Variants in TBC1D8B observed in about 807,000 individuals in gnomAD.
The protein encoded by TBC1D8B is RP11-321G1.1.
Under a neutral mutation model 82.9 loss-of-function variants are expected in TBC1D8B, and 75 were observed. The ratio of observed to expected loss-of-function variants is 0.90; its 90% CI spans 0.75 to 1.10. The LOEUF (loss-of-function observed/expected upper bound fraction) is 1.10. Ranked by LOEUF, TBC1D8B falls within the 50% of genes least tolerant of loss-of-function variation. The probability of loss-of-function intolerance (pLI) is 0.00; values close to 1 mark genes in which losing one functional copy is unlikely to be tolerated. For missense variants in TBC1D8B, 794 were observed against 796.9 expected (o/e 1.00, Z 0.04); for synonymous variants, 276 against 276.8 (o/e 1.00, Z 0.03).
intron 1 of TBC1D8B, chrX:106,815,560 G>C (rs1276242953): frequency 3.6e-5 from 4 of 110,753 alleles, no homozygotes; most frequent in Non-Finnish European, 7.6e-5. Flanking sequence ...GAACTTTAAA[G>C]TAGTTTTTTC....
intron 20 of TBC1D8B, among the ~76,000 whole-genome samples, chrX:106,872,490 G>GATATATATATATATATATATAT: frequency 1.1e-5 from 1 of 87,555 alleles, no homozygotes; most frequent in African/African-American, 5.0e-5. Flanking sequence ...TATATATATG[G>GATATATATATATATATATATAT]AATTCAGGAT....
chrX:106,813,876 C>T (rs1237531396), intron 1 of TBC1D8B: 1 of 109,929 alleles, frequency 9.1e-6, no homozygotes, highest in Non-Finnish European at 1.9e-5. Context: ...TATTATTACA[C>T]TTTAAGTTTT....
chrX:106,821,706 A>G (rs759562167), intron 3 of TBC1D8B, among the ~76,000 whole-genome samples: 1 of 111,977 alleles, frequency 8.9e-6, no homozygotes, highest in South Asian at 3.7e-4. Flanking sequence ...TCTCTAGACT[A>G]TTCATTCCTA....
intron 14 of TBC1D8B, among the ~76,000 whole-genome samples, chrX:106,856,151 CTTAA>C (rs777489177): frequency 8.9e-6 from 1 of 112,251 alleles, no homozygotes; most frequent in South Asian, 3.6e-4. Context: ...AATTTCTTCT[CTTAA>C]TTGCCTATTC....
intron 14 of TBC1D8B, among the ~76,000 whole-genome samples, chrX:106,859,303 A>C (rs1324686109): frequency 8.9e-6 from 1 of 111,821 alleles, no homozygotes; most frequent in Non-Finnish European, 1.9e-5. Context: ...TTTGGTTGGT[A>C]TGGCCTTTTT....
intron 12 of TBC1D8B, among the ~76,000 whole-genome samples, chrX:106,851,077 A>C (rs895145199): frequency 8.9e-6 from 1 of 111,762 alleles, no homozygotes; most frequent in African/African-American, 3.3e-5. Flanking sequence ...ATGCCCTCCT[A>C]ATGCTCAACC....
intron 7 of TBC1D8B, among the ~76,000 whole-genome samples, chrX:106,836,789 T>G (rs1932186702): frequency 9.0e-6 from 1 of 111,669 alleles, no homozygotes; most frequent in Admixed American, 9.5e-5. Context: ...TTTCAAAACT[T>G]ATTATACAGC....
intron 1 of TBC1D8B, among the ~76,000 whole-genome samples, chrX:106,810,678 G>C (rs767496841): frequency 8.9e-6 from 1 of 112,000 alleles, no homozygotes; most frequent in South Asian, 3.8e-4. Context: ...TCCACTAGAA[G>C]TGTTTCAACT....
chrX:106,868,616 TG>T, intron 18 of TBC1D8B, 140 bp downstream of exon 18: 1 of 333,011 alleles, frequency 3.0e-6, no homozygotes, highest in Non-Finnish European at 5.0e-6. Flanking sequence ...GCACTTAGCA[TG>T]GTCCATAAAT....
rs1039173957 is a variant in TBC1D8B, at chrX:106,869,636, G to A, written c.2869+95G>A. 6 of 580,468 alleles carry A rather than the reference G, an allele frequency of 1.0e-5. No individual in the cohort carries two copies. The South Asian group carries it at 2.7e-4, about 26-fold the overall frequency. The allele number at this position is 580,468 out of a possible 1,213,427, so 47.8% of individuals were successfully genotyped here. Reference sequence around the variant, plus strand: ...GGGGAAAAGGTGGATTCCTTTTAAAGGCTATTGATGTCTCAGAAATTATAG... The same window carrying A: ...GGGGAAAAGGTGGATTCCTTTTAAAAGCTATTGATGTCTCAGAAATTATAG... On this transcript the variant is annotated intron_variant, in intron 19 of 20. Coordinates refer to ENST00000357242, the MANE Select transcript of TBC1D8B (RefSeq NM_017752.3).
intron 8 of TBC1D8B, 51 bp downstream of exon 8, chrX:106,839,508 T>TA: frequency 2.8e-6 from 3 of 1,065,570 alleles, no homozygotes; most frequent in Non-Finnish European, 3.7e-6. Context: ...TGGTGAAAAG[T>TA]AAAAATCTTA....
intron 10 of TBC1D8B, among the ~76,000 whole-genome samples, chrX:106,841,420 A>T (rs1417357257): frequency 4.5e-5 from 5 of 111,775 alleles, no homozygotes; most frequent in African/African-American, 1.6e-4. Flanking sequence ...GTAACCGAAC[A>T]TAGGTAGAGG....
chrX:106,860,357 GT>G (rs1408668939), intron 14 of TBC1D8B, among the ~76,000 whole-genome samples: 1 of 106,452 alleles, frequency 9.4e-6, no homozygotes, highest in Non-Finnish European at 1.9e-5. Context: ...GTGTGTGTGT[GT>G]GTGTGTGTGT....
Position 106,823,269 on chromosome X carries a change from G to T in TBC1D8B, c.630G>T (p.Lys210Asn). The change falls in exon 5 of 21, where the codon AAG (lysine) becomes AAT (asparagine). Residue 210 changes from lysine to asparagine, a missense_variant. Transcript: ENST00000357242. ...GGGATGAAGTCTCAAAACTTGAAAA[G>T]ACTTCAAATGTCATACTGACAGAGA... ...ISWDEVSKLE[K>N]TSNVILTESI... 1 of 1,208,313 alleles carries T rather than the reference G, an allele frequency of 8.3e-7. No homozygotes were observed. The highest frequency in any genetic ancestry group is 1.8e-5 in the South Asian group (1 of 56,680).
At chrX:106,810,881 G>A (rs753618449) in intron 1 of TBC1D8B, among the ~76,000 whole-genome samples, 1 of 111,492 alleles carries the variant, frequency 9.0e-6, no homozygotes, top group East Asian at 2.8e-4. Context: ...TTTGAAAAAT[G>A]AAGGATGATT....
In TBC1D8B at chrX:106,849,036, C is replaced by CAAG. The variant is rs779873261; in HGVS notation, c.1837+735_1837+736insGAA. On this transcript the variant is annotated intron_variant, in intron 11 of 20. Transcript: ENST00000357242. ...TCGTGATCCACCCACCTCGGCCTCC[C>CAAG]AAAGTGCTGGGATTACAGGTGTGAG... is the stretch of plus-strand genomic sequence containing the variant. Among the ~76,000 whole-genome samples, 3 of 107,700 alleles carry CAAG rather than the reference C, an allele frequency of 2.8e-5. No homozygotes were observed. The South Asian group carries it at 1.2e-3, about 45-fold the overall frequency. 93.5% of individuals were successfully genotyped at this position (107,700 alleles called of 115,157 possible). A position where few individuals can be genotyped will look rare whatever the true frequency, so the allele number is the denominator to read the frequency against.
At chrX:106,850,654 T>C (rs1327159867) in intron 12 of TBC1D8B, among the ~76,000 whole-genome samples, 1 of 111,931 alleles carries the variant, frequency 8.9e-6, no homozygotes, top group Non-Finnish European at 1.9e-5. Flanking sequence ...AAATATCCAG[T>C]GGCCGGGAAG....
At chrX:106,815,772 A>G (rs1342346111) in intron 1 of TBC1D8B, 1 of 111,692 alleles carries the variant, frequency 9.0e-6, no homozygotes, top group African/African-American at 3.3e-5. Flanking sequence ...CATCCCCTGT[A>G]AGTTGGATTC....
chrX:106,848,919 G>A (rs995925532), intron 11 of TBC1D8B, among the ~76,000 whole-genome samples: 5 of 107,276 alleles, frequency 4.7e-5, no homozygotes, highest in African/African-American at 1.4e-4. Context: ...ACAGGCACCC[G>A]CCACCACGCC....
Sources: allele counts gnomAD v4.1 joint callset (sites outside exome capture counted in the v4.1 genomes callset), GRCh38; gene constraint gnomAD v4.1.1; transcripts MANE v1.5; gene names NCBI Gene and HGNC (gene_info 2026-07-23, HGNC 2026-07-21).